Variants in EPB41 observed in about 807,000 individuals in gnomAD.
EPB41 encodes the protein erythrocyte membrane protein band 4.1.
Under a neutral mutation model 108.0 loss-of-function variants are expected in EPB41, and 65 were observed. The observed-to-expected ratio is 0.60, with a 90% CI of 0.49 to 0.74. EPB41 has a LOEUF of 0.74. Among genes scored for constraint, EPB41 ranks in the 30% least tolerant of loss-of-function variants. The pLI, the probability that EPB41 is intolerant of heterozygous loss-of-function variation, is 0.00. For missense variants in EPB41, 875 were observed against 1,037.0 expected, an observed-to-expected ratio of 0.84 and a Z score of 2.15; for synonymous variants, 336 against 358.9, an observed-to-expected ratio of 0.94 and a Z score of 0.72.
intron 12 of EPB41, 100 bp from the exon 13 acceptor site, chr1:29,058,489 T>G (rs1645938717): frequency 9.1e-7 from 1 of 1,093,732 alleles, no homozygotes; most frequent in South Asian, 1.3e-5. Context: ...ATCAGCGTAT[T>G]TCACAACCAG....
intron 1 of EPB41, among the ~76,000 whole-genome samples, chr1:28,889,186 G>C (rs1340515779): frequency 6.6e-6 from 1 of 152,206 alleles, no homozygotes; most frequent in Middle Eastern, 3.2e-3. Flanking sequence ...GGCATAAGCA[G>C]CATCAAATAG....
intron 1 of EPB41, among the ~76,000 whole-genome samples, chr1:28,951,728 C>T (rs1424092004): frequency 6.6e-6 from 1 of 152,070 alleles, no homozygotes; most frequent in Non-Finnish European, 1.5e-5. Flanking sequence ...GTAGTACACA[C>T]CTGTGGTCCT....
At chr1:29,019,968 AGTACCAAT>A (rs2150086411) in intron 7 of EPB41, among the ~76,000 whole-genome samples, 1 of 152,350 alleles carries the variant, frequency 6.6e-6, no homozygotes, top group Non-Finnish European at 1.5e-5. Context: ...GACTTATTCC[AGTACCAAT>A]GTCTGGAGTC....
At chr1:29,007,604 C>A (rs1178325940) in intron 4 of EPB41, among the ~76,000 whole-genome samples, 2 of 152,156 alleles carry the variant, frequency 1.3e-5, no homozygotes, top group Non-Finnish European at 2.9e-5. Context: ...ACTGTTCTTA[C>A]CAAGATAAAT....
chr1:29,091,228 T>C (rs1661053933), intron 16 of EPB41, among the ~76,000 whole-genome samples: 1 of 152,204 alleles, frequency 6.6e-6, no homozygotes, highest in African/African-American at 2.4e-5. Flanking sequence ...CAAAATTGGC[T>C]CTTACTTGAT....
upstream of EPB41, among the ~76,000 whole-genome samples, chr1:28,913,508 AACC>A (rs2092367116): frequency 6.6e-6 from 1 of 152,226 alleles, no homozygotes; most frequent in Non-Finnish European, 1.5e-5. Flanking sequence ...CTAAGAATTG[AACC>A]CAGGCAATCT....
intron 16 of EPB41, among the ~76,000 whole-genome samples, chr1:29,086,941 T>C (rs12733139): frequency 5.6e-5 from 1 of 17,948 alleles, no homozygotes; most frequent in East Asian, 7.5e-4. Context: ...ACTGTGGTTC[T>C]TTTTTTTTTT....
intron 1 of EPB41, among the ~76,000 whole-genome samples, chr1:28,946,453 GT>G (rs1213803698): frequency 6.6e-6 from 1 of 152,178 alleles, no homozygotes; most frequent in Non-Finnish European, 1.5e-5. Flanking sequence ...CCTATCATCA[GT>G]TGGATTGGAA....
At chr1:28,908,957 G>T (rs1200588640) in intron 1 of EPB41, among the ~76,000 whole-genome samples, 1 of 151,128 alleles carries the variant, frequency 6.6e-6, no homozygotes, top group Non-Finnish European at 1.5e-5. Context: ...GAGGTCAGGA[G>T]TTCAATACTA....
At chr1:29,028,432 A>G (rs2096749004) in intron 7 of EPB41, among the ~76,000 whole-genome samples, 4 of 152,194 alleles carry the variant, frequency 2.6e-5, no homozygotes, top group South Asian at 4.1e-4. Context: ...TACAACCATC[A>G]TCTCATTTCG....
chr1:28,980,006 G>T (rs2095698783), intron 1 of EPB41, among the ~76,000 whole-genome samples: 1 of 152,188 alleles, frequency 6.6e-6, no homozygotes, highest in Admixed American at 6.5e-5. Context: ...AAATTCAGAT[G>T]AATGGATTGG....
At chr1:28,939,035 A>G (rs1423945336) in intron 1 of EPB41, among the ~76,000 whole-genome samples, 1 of 152,226 alleles carries the variant, frequency 6.6e-6, no homozygotes, top group Non-Finnish European at 1.5e-5. Flanking sequence ...TAGAAGTGGT[A>G]AGAGTAGACA....
At chr1:29,003,316 A>G (rs2096338147) in intron 4 of EPB41, among the ~76,000 whole-genome samples, 1 of 152,196 alleles carries the variant, frequency 6.6e-6, no homozygotes, top group Admixed American at 6.5e-5. Context: ...AGATGAGGAA[A>G]CTGAAGCACA....
At chr1:28,927,785 G>A (rs1425709753) in intron 1 of EPB41, among the ~76,000 whole-genome samples, 3 of 152,080 alleles carry the variant, frequency 2.0e-5, no homozygotes, top group Non-Finnish European at 4.4e-5. Context: ...TTTGGAGTCA[G>A]ACCTGGATTT....
intron 1 of EPB41, among the ~76,000 whole-genome samples, chr1:28,977,982 A>G (rs1231019012): frequency 6.6e-6 from 1 of 151,384 alleles, no homozygotes; most frequent in African/African-American, 2.4e-5. Context: ...ACATAGATGC[A>G]AACTCTCCTT....
At chr1:28,940,890 G>T (rs972065464) in intron 1 of EPB41, among the ~76,000 whole-genome samples, 1 of 152,016 alleles carries the variant, frequency 6.6e-6, no homozygotes, top group Non-Finnish European at 1.5e-5. Context: ...ATAAGAAAAC[G>T]AAAGCACTGA....
intron 1 of EPB41, among the ~76,000 whole-genome samples, chr1:28,927,962 T>C (rs1332722467): frequency 1.3e-5 from 2 of 152,134 alleles, no homozygotes; most frequent in Non-Finnish European, 1.5e-5. Context: ...CCCTGGGGAA[T>C]CCCTTGCTGA....
chr1:29,022,721 C>CA (rs889498783), intron 7 of EPB41, among the ~76,000 whole-genome samples: 18 of 149,574 alleles, frequency 1.2e-4, no homozygotes, highest in South Asian at 4.2e-4. Flanking sequence ...GACTCCATCT[C>CA]AAAAAAAAAG....
chr1:29,016,487 C>T (rs1255263603), intron 6 of EPB41, among the ~76,000 whole-genome samples: 3 of 151,944 alleles, frequency 2.0e-5, no homozygotes, highest in Non-Finnish European at 4.4e-5. Context: ...CTGCACCCGG[C>T]CCCACCATCT....
Sources: allele counts gnomAD v4.1 joint callset (sites outside exome capture counted in the v4.1 genomes callset), GRCh38; gene constraint gnomAD v4.1.1; transcripts MANE v1.5; gene names NCBI Gene and HGNC (gene_info 2026-07-23, HGNC 2026-07-21).